The following ABTB2 variants were observed in gnomAD, a reference collection of about 807,000 sequenced individuals.
The protein encoded by ABTB2 is ankyrin repeat and BTB domain containing 2.
A neutral mutation model predicts 104.1 loss-of-function variants in ABTB2; 56 were observed. The observed-to-expected ratio is 0.54, with a 90% CI of 0.43 to 0.67. ABTB2 has a LOEUF of 0.67. ABTB2 is among the 30% of genes least tolerant of loss of function. The pLI is 0.00. For synonymous variants in ABTB2, 606 were observed against 608.2 expected (o/e 1.00, Z 0.05); for missense variants, 1,279 against 1,407.7 (o/e 0.91, Z 1.46).
intron 10 of ABTB2, among the ~76,000 whole-genome samples, chr11:34,161,889 G>A (rs1489502405): frequency 6.6e-6 from 1 of 152,144 alleles, no homozygotes; most frequent in Non-Finnish European, 1.5e-5. Context: ...TCTGTTTTAC[G>A]GTGAAGAACA....
chr11:34,187,380 G>C (rs1853114126), intron 3 of ABTB2, among the ~76,000 whole-genome samples: 1 of 152,302 alleles, frequency 6.6e-6, no homozygotes, highest in South Asian at 2.1e-4. Context: ...CCAGTTTGTA[G>C]AGTTCTTTGA....
chr11:34,283,567 A>G (rs1303430433), intron 1 of ABTB2, among the ~76,000 whole-genome samples: 3 of 152,214 alleles, frequency 2.0e-5, no homozygotes, highest in Non-Finnish European at 2.9e-5. Flanking sequence ...AGCAAGTATC[A>G]AAGTATATAT....
rs770356882 is a variant in ABTB2, at chr11:34,162,613, G to A, written c.2181C>T (p.His727=). 1.5e-5 allele frequency: 24 copies of A among 1,613,554 alleles called. No homozygotes were observed. The highest frequency in any genetic ancestry group is 3.3e-4 in the Middle Eastern group (2 of 6,084). ...GCTCCATGGTGATGTCCACGTAGCC[G>A]TGCTCAGCGCTGTAGTACATGGCCT... ...LQEAMYYSAE[H]GYVDITMELR... is the part of the protein sequence containing the mutation. Residue 727 remains histidine (H), a synonymous_variant, in exon 10 of 17, where the codon CAC becomes CAT. Coordinates refer to ENST00000435224, the MANE Select transcript of ABTB2 (RefSeq NM_145804.3).
intron 3 of ABTB2, among the ~76,000 whole-genome samples, chr11:34,183,103 C>CT (rs888063553): frequency 4.6e-5 from 7 of 151,544 alleles, no homozygotes; most frequent in Admixed American, 3.3e-4. Flanking sequence ...AACTGGATGA[C>CT]TTTTTTTTTC....
At chr11:34,251,115 G>A (rs1298885853) in intron 1 of ABTB2, among the ~76,000 whole-genome samples, 2 of 152,168 alleles carry the variant, frequency 1.3e-5, no homozygotes, top group East Asian at 3.8e-4. Context: ...TTCTTAATAG[G>A]GGCTGGCCTG....
At chr11:34,277,427 C>T (rs149394323) in intron 1 of ABTB2, among the ~76,000 whole-genome samples, 2 of 151,656 alleles carry the variant, frequency 1.3e-5, no homozygotes, top group African/African-American at 4.8e-5. Flanking sequence ...GAGTGAGTGG[C>T]TACAAAAGAA....
chr11:34,257,398 T>A (rs898543480), intron 1 of ABTB2, among the ~76,000 whole-genome samples: 1 of 149,142 alleles, frequency 6.7e-6, no homozygotes, highest in African/African-American at 2.5e-5. Context: ...TGGAGGAGAG[T>A]TTTTACACTA....
At chr11:34,155,966 G>T (rs1852619485) in intron 14 of ABTB2, among the ~76,000 whole-genome samples, 1 of 152,242 alleles carries the variant, frequency 6.6e-6, no homozygotes. Context: ...CAGGAGCAGT[G>T]CCTGGAATGC....
intron 1 of ABTB2, among the ~76,000 whole-genome samples, chr11:34,301,110 G>A (rs993328923): frequency 6.6e-6 from 1 of 152,164 alleles, no homozygotes; most frequent in South Asian, 2.1e-4. Flanking sequence ...TCTGTGGCTG[G>A]TTAGCCTTCC....
At chr11:34,342,393 G>A (rs1407541586) in intron 1 of ABTB2, among the ~76,000 whole-genome samples, 2 of 152,124 alleles carry the variant, frequency 1.3e-5, no homozygotes, top group Admixed American at 1.3e-4. Flanking sequence ...GTCCTCTTGG[G>A]CCAACCCATT....
chr11:34,183,070 C>T (rs910555969), intron 3 of ABTB2, among the ~76,000 whole-genome samples: 2 of 152,170 alleles, frequency 1.3e-5, no homozygotes, highest in African/African-American at 2.4e-5. Context: ...ATATTAGGCA[C>T]AGTAACCACA....
At chr11:34,267,917 A>C (rs943382929) in intron 1 of ABTB2, among the ~76,000 whole-genome samples, 2 of 152,202 alleles carry the variant, frequency 1.3e-5, no homozygotes, top group African/African-American at 4.8e-5. Context: ...AAATGTATGT[A>C]AAACATGCTC....
chr11:34,357,080 C>G lies in ABTB2; in HGVS notation c.504G>C (p.Trp168Cys). 6.6e-7 allele frequency: 1 copy of G among 1,523,326 alleles called. No homozygotes were observed. The highest frequency in any genetic ancestry group is 8.8e-7 in the Non-Finnish European group (1 of 1,138,046). 94.4% of individuals were successfully genotyped at this position (1,523,326 alleles called of 1,614,324 possible). ...CCAGCGCGCAGCTCTCGGCCAGCGCCCAGCTGTGCACCAGGCGCACGGCGC... is the reference window on the plus strand; with the variant it reads ...CCAGCGCGCAGCTCTCGGCCAGCGCGCAGCTGTGCACCAGGCGCACGGCGC... ...VQSAVRLVHS[W>C]ALAESCALAA... The change falls in exon 1 of 17, where the codon TGG (tryptophan) becomes TGC (cysteine). Residue 168 changes from tryptophan to cysteine, a missense_variant. Transcript: ENST00000435224.
At chr11:34,318,615 A>T (rs950235495) in intron 1 of ABTB2, among the ~76,000 whole-genome samples, 5 of 152,214 alleles carry the variant, frequency 3.3e-5, no homozygotes, top group Admixed American at 3.3e-4. Flanking sequence ...CAATGACGTC[A>T]TAATAAAAAT....
intron 3 of ABTB2, among the ~76,000 whole-genome samples, chr11:34,180,831 C>T (rs1232060721): frequency 6.6e-6 from 1 of 152,166 alleles, no homozygotes; most frequent in Non-Finnish European, 1.5e-5. Flanking sequence ...TAAGGCCCCT[C>T]AATGGAACTA....
intron 1 of ABTB2, among the ~76,000 whole-genome samples, chr11:34,349,060 A>G (rs10836191): frequency 0.16 from 24,025 of 152,162 alleles, 3,321 homozygotes; most frequent in African/African-American, 0.36. Flanking sequence ...CCAATCCTGC[A>G]TGCAGCTCCA....
At chr11:34,178,594 G>A (rs1158791676) in intron 3 of ABTB2, among the ~76,000 whole-genome samples, 1 of 152,236 alleles carries the variant, frequency 6.6e-6, no homozygotes, top group African/African-American at 2.4e-5. Flanking sequence ...TGCGTTTCCC[G>A]TAGGCTGAGC....
chr11:34,346,381 C>T (rs571415159), intron 1 of ABTB2, among the ~76,000 whole-genome samples: 12 of 152,250 alleles, frequency 7.9e-5, no homozygotes, highest in African/African-American at 2.4e-4. Flanking sequence ...ACCACAGTGC[C>T]GGCCTGCCAG....
chr11:34,180,829 C>T (rs750165763), intron 3 of ABTB2, among the ~76,000 whole-genome samples: 1 of 152,174 alleles, frequency 6.6e-6, no homozygotes, highest in South Asian at 2.1e-4. Flanking sequence ...CCTAAGGCCC[C>T]TCAATGGAAC....
Sources: allele counts gnomAD v4.1 joint callset (sites outside exome capture counted in the v4.1 genomes callset), GRCh38; gene constraint gnomAD v4.1.1; transcripts MANE v1.5; gene names NCBI Gene and HGNC (gene_info 2026-07-23, HGNC 2026-07-21).